EDAR: variants seen among roughly 807,000 people sequenced by gnomAD.
EDAR encodes ectodysplasin A receptor, also known as tumor necrosis factor receptor superfamily member EDAR.
EDAR carries 38 observed loss-of-function variants against 51.3 expected under a neutral mutation model. The ratio of observed to expected loss-of-function variants is 0.74; its 90% CI spans 0.57 to 0.97. EDAR has a LOEUF of 0.97. EDAR is among the 50% of genes least tolerant of loss of function. The pLI is 0.00. For missense variants in EDAR, 528 were observed against 595.0 expected (o/e 0.89, Z 1.17); for synonymous variants, 227 against 242.1 (o/e 0.94, Z 0.58).
intron 1 of EDAR, among the ~76,000 whole-genome samples, chr2:108,958,038 C>A (rs1378862870): frequency 6.6e-6 from 1 of 152,140 alleles, no homozygotes; most frequent in Non-Finnish European, 1.5e-5. Context: ...AAAACTGTTA[C>A]AGGAAGTGCC....
chr2:108,949,924 C>G (rs1323955741), intron 1 of EDAR, among the ~76,000 whole-genome samples: 1 of 152,218 alleles, frequency 6.6e-6, no homozygotes. Context: ...GAGGCCAATG[C>G]CCTCATTTCC....
At chr2:108,929,446 C>T in intron 3 of EDAR, 67 bp from the exon 4 acceptor site, 1 of 1,531,372 alleles carries the variant, frequency 6.5e-7, no homozygotes. Flanking sequence ...ACTCGGCCCA[C>T]AGTCCTTGGG....
At chr2:108,914,669 A>G (rs971747080) in intron 5 of EDAR, among the ~76,000 whole-genome samples, 2 of 152,240 alleles carry the variant, frequency 1.3e-5, no homozygotes, top group Non-Finnish European at 2.9e-5. Flanking sequence ...TTTGCAAATA[A>G]TAAAGCCAAC....
intron 11 of EDAR, among the ~76,000 whole-genome samples, 200 bp downstream of exon 11, chr2:108,906,108 G>A (rs936240560): frequency 2.6e-5 from 4 of 152,172 alleles, no homozygotes; most frequent in Admixed American, 1.3e-4. Context: ...GGAAGCACTG[G>A]GAGATGCCTT....
At chr2:108,909,007 G>A (rs1696863843) in intron 9 of EDAR, among the ~76,000 whole-genome samples, 1 of 152,150 alleles carries the variant, frequency 6.6e-6, no homozygotes, top group Non-Finnish European at 1.5e-5. Flanking sequence ...AGGTGAGGTG[G>A]CACCCCAGGT....
chr2:108,894,915 C>T lies in EDAR; in HGVS notation c.*1992G>A, dbSNP rs1393528986. ...GCACCAGGAGCAGAGAACAGCCACC[C>T]CACTCTTTCGCTGAAAACATTCTGA... is the stretch of plus-strand genomic sequence containing the variant. On this transcript the variant is annotated 3_prime_UTR_variant, in exon 12 of 12. Coordinates refer to ENST00000258443, the MANE Select transcript of EDAR (RefSeq NM_022336.4). 11 of 152,118 alleles carry T rather than the reference C, an allele frequency of 7.2e-5. No individual in the cohort carries two copies. The highest frequency in any genetic ancestry group is 7.2e-4 in the Admixed American group (11 of 15,276). The allele number at this position is 152,118 out of a possible 1,614,324, so 9.4% of individuals were successfully genotyped here. A position where few individuals can be genotyped will look rare whatever the true frequency, so the allele number is the denominator to read the frequency against.
Position 108,906,363 on chromosome 2 carries a change from T to G in EDAR, c.969A>C (p.Gln323His), listed in dbSNP as rs1187480438. The G allele has an allele frequency of 6.2e-7, 1 of 1,614,180 alleles. No homozygotes were observed. The highest frequency in any genetic ancestry group is 2.2e-5 in the East Asian group (1 of 44,876). Residue 323 changes from glutamine to histidine, a missense_variant, in exon 11 of 12, where the codon CAA (glutamine) becomes CAC (histidine). Coordinates refer to ENST00000258443, the MANE Select transcript of EDAR (RefSeq NM_022336.4). Reference protein sequence around the residue: ...SATSNKSAGIQSRRKKILDVY... With the variant: ...SATSNKSAGIHSRRKKILDVY... ...CATCGAGGATCTTTTTCCTCCGGCT[T>G]TGAATCTGTGAAAAAGAGTCGAGAA... is the stretch of plus-strand genomic sequence containing the variant.
chr2:108,932,159 T>G (rs2105451075), intron 1 of EDAR, among the ~76,000 whole-genome samples: 1 of 152,344 alleles, frequency 6.6e-6, no homozygotes, highest in African/African-American at 2.4e-5. Context: ...CCTCCTTTTC[T>G]TTCTTTCTTT....
intron 10 of EDAR, among the ~76,000 whole-genome samples, chr2:108,907,637 G>C (rs549633767): frequency 7.2e-6 from 1 of 139,758 alleles, no homozygotes; most frequent in East Asian, 2.1e-4. Flanking sequence ...GACAGAGCAA[G>C]ACTCTCATCT....
intron 11 of EDAR, among the ~76,000 whole-genome samples, chr2:108,901,527 AAAG>A (rs1410916135): frequency 6.6e-6 from 1 of 152,228 alleles, no homozygotes; most frequent in Non-Finnish European, 1.5e-5. Context: ...ATCAATATGA[AAAG>A]AGACAGTTAT....
At chr2:108,965,131 G>T in intron 1 of EDAR, among the ~76,000 whole-genome samples, 1 of 151,908 alleles carries the variant, frequency 6.6e-6, no homozygotes, top group African/African-American at 2.4e-5. Flanking sequence ...GTGTGTGAAG[G>T]GTACTGGTAT....
At chr2:108,974,779 G>T (rs1453525925) in intron 1 of EDAR, among the ~76,000 whole-genome samples, 1 of 152,116 alleles carries the variant, frequency 6.6e-6, no homozygotes, top group Non-Finnish European at 1.5e-5. Context: ...AACTGAAACT[G>T]AAACTGAGAG....
intron 1 of EDAR, among the ~76,000 whole-genome samples, chr2:108,961,167 C>T (rs1230631596): frequency 2.6e-5 from 4 of 152,200 alleles, no homozygotes; most frequent in African/African-American, 9.7e-5. Flanking sequence ...TGGGCCTGGC[C>T]CTGACTGGGT....
At chr2:108,941,890 C>T (rs1023101855) in intron 1 of EDAR, among the ~76,000 whole-genome samples, 6 of 151,970 alleles carry the variant, frequency 3.9e-5, no homozygotes, top group Admixed American at 6.5e-5. Context: ...GGCCAGTGCC[C>T]GACAGCAGGT....
At chr2:108,941,951 G>C (rs956347768) in intron 1 of EDAR, among the ~76,000 whole-genome samples, 1 of 152,242 alleles carries the variant, frequency 6.6e-6, no homozygotes, top group South Asian at 2.1e-4. Flanking sequence ...AGAGAGGCCT[G>C]TCCATGCCAC....
intron 1 of EDAR, among the ~76,000 whole-genome samples, chr2:108,976,770 G>T (rs1459314076): frequency 6.6e-6 from 1 of 152,132 alleles, no homozygotes; most frequent in East Asian, 1.9e-4. Context: ...TAGTTGGTTT[G>T]TGTGTCCCTT....
At chr2:108,897,597 G>A (rs1371434154) in intron 11 of EDAR, among the ~76,000 whole-genome samples, 4 of 152,146 alleles carry the variant, frequency 2.6e-5, no homozygotes, top group Non-Finnish European at 4.4e-5. Context: ...GGCTGAGGAG[G>A]GGTTCAAAGG....
rs1261072074 is a variant in EDAR, at chr2:108,895,351, T to C, written c.*1556A>G. 1 of 152,614 alleles carries C rather than the reference T, an allele frequency of 6.6e-6. No homozygotes were observed. Among genetic ancestry groups the C allele is most frequent in the Admixed American group, 6.5e-5 (1 of 15,282 alleles). 9.5% of individuals were successfully genotyped at this position (152,614 alleles called of 1,614,324 possible). A position where few individuals can be genotyped will look rare whatever the true frequency, so the allele number is the denominator to read the frequency against. On this transcript the variant is annotated 3_prime_UTR_variant, in exon 12 of 12. Coordinates refer to ENST00000258443, the MANE Select transcript of EDAR (RefSeq NM_022336.4). ...CAGAGACTTTGTTTTAATGTAGTAA[T>C]AAACACAGACCTGCCATCAGGGAGT...
intron 1 of EDAR, among the ~76,000 whole-genome samples, chr2:108,969,484 G>C (rs1350439053): frequency 6.6e-6 from 1 of 152,212 alleles, no homozygotes; most frequent in Non-Finnish European, 1.5e-5. Context: ...AAGGCATACA[G>C]GTCCTGGCCC....
Sources: allele counts gnomAD v4.1 joint callset (sites outside exome capture counted in the v4.1 genomes callset), GRCh38; gene constraint gnomAD v4.1.1; transcripts MANE v1.5; gene names NCBI Gene and HGNC (gene_info 2026-07-23, HGNC 2026-07-21).